The following SND1 variants were observed in gnomAD, a reference collection of about 807,000 sequenced individuals.
SND1 encodes the protein staphylococcal nuclease and tudor domain containing 1.
SND1 carries 38 observed loss-of-function variants against 121.7 expected under a neutral mutation model. That is an observed-to-expected ratio of 0.31 (90% CI 0.24 to 0.41). The LOEUF (loss-of-function observed/expected upper bound fraction) is 0.41, where lower values mean the gene tolerates loss of function less well. SND1 is among the 10% of genes least tolerant of loss of function. SND1 has a pLI of 1.00. For missense variants in SND1, 868 were observed against 1,184.6 expected (o/e 0.73, Z 3.92); for synonymous variants, 401 against 447.4 (o/e 0.90, Z 1.31).
At chr7:127,991,178 C>T in intron 16 of SND1, 122 bp downstream of exon 16, 1 of 673,052 alleles carries the variant, frequency 1.5e-6, no homozygotes, top group Non-Finnish European at 2.6e-6. Flanking sequence ...CATCCATAAT[C>T]CATTCTTGTG....
At chr7:127,869,891 G>T (rs1799548531) in intron 12 of SND1, among the ~76,000 whole-genome samples, 1 of 152,036 alleles carries the variant, frequency 6.6e-6, no homozygotes, top group African/African-American at 2.4e-5. Context: ...TTACATAAAT[G>T]GAATCATAAT....
rs772976701 is a variant in SND1 at position 128,029,170 on chromosome 7, T to A, written c.1779+38114T>A. On this transcript the variant is annotated intron_variant, in intron 16 of 23. Transcript: ENST00000354725. The surrounding 1 kb of genome is among the most constrained non-coding windows in gnomAD (Gnocchi z 4.2). ...CGGGTAGTCTGAATGAGCACCGTGG[T>A]AGAGGTGGTATATGCCGGCTGGTAA... 6.2e-7 allele frequency: 1 copy of A among 1,614,054 alleles called. No individual in the cohort carries two copies. The highest frequency in any genetic ancestry group is 1.1e-5 in the South Asian group (1 of 91,072).
intron 16 of SND1, among the ~76,000 whole-genome samples, chr7:128,032,583 TCAG>T (rs2116993452): frequency 6.6e-6 from 1 of 151,780 alleles, no homozygotes; most frequent in South Asian, 2.1e-4. Flanking sequence ...AGAGCGGGGC[TCAG>T]GGGCCCGGCG....
At chr7:127,789,463 T>G (rs1797871658) in intron 10 of SND1, among the ~76,000 whole-genome samples, 1 of 152,248 alleles carries the variant, frequency 6.6e-6, no homozygotes, top group Non-Finnish European at 1.5e-5. Flanking sequence ...TTTTTATAGC[T>G]AAAATTAGGG....
chr7:127,738,103 A>G (rs889127595), intron 10 of SND1, among the ~76,000 whole-genome samples: 1 of 152,132 alleles, frequency 6.6e-6, no homozygotes, highest in Non-Finnish European at 1.5e-5. Context: ...CAGATCCTCT[A>G]GAGTGTTCAC....
chr7:127,902,427 C>T (rs924732256), intron 13 of SND1, among the ~76,000 whole-genome samples: 1 of 152,214 alleles, frequency 6.6e-6, no homozygotes, highest in African/African-American at 2.4e-5. Context: ...AGTCTTACGG[C>T]TGCTCCTTCC....
chr7:127,807,733 G>C (rs180851724), intron 11 of SND1, among the ~76,000 whole-genome samples, 160 bp downstream of exon 11: 1 of 152,296 alleles, frequency 6.6e-6, no homozygotes, highest in Non-Finnish European at 1.5e-5. Flanking sequence ...TTATGTGTCA[G>C]AAACGGTACC....
intron 16 of SND1, among the ~76,000 whole-genome samples, chr7:128,005,438 C>T (rs756948866): frequency 6.6e-6 from 1 of 152,226 alleles, no homozygotes. Flanking sequence ...TTCTTTCACC[C>T]GCCCCCTTGT....
chr7:128,077,671 A>T (rs931413543), intron 17 of SND1, among the ~76,000 whole-genome samples: 6 of 152,144 alleles, frequency 3.9e-5, no homozygotes, highest in African/African-American at 7.2e-5. Context: ...GTCAGCTGGG[A>T]CAGCCTCTCC....
At chr7:128,070,699 G>A (rs1793395983) in intron 16 of SND1, among the ~76,000 whole-genome samples, 1 of 152,132 alleles carries the variant, frequency 6.6e-6, no homozygotes, top group South Asian at 2.1e-4. Flanking sequence ...TTCTGTTTGA[G>A]GCAACTTGTG....
At chr7:127,759,132 A>G (rs1393889652) in intron 10 of SND1, among the ~76,000 whole-genome samples, 1 of 152,164 alleles carries the variant, frequency 6.6e-6, no homozygotes, top group African/African-American at 2.4e-5. Flanking sequence ...TAGCAGATAC[A>G]TACTGCTTAG....
At chr7:127,816,694 C>G (rs962473221) in intron 11 of SND1, among the ~76,000 whole-genome samples, 2 of 141,816 alleles carry the variant, frequency 1.4e-5, no homozygotes, top group Non-Finnish European at 3.0e-5. Context: ...AACAGTGTCT[C>G]GCTCTGTCAC....
At chr7:127,860,825 A>G (rs1799363946) in intron 12 of SND1, among the ~76,000 whole-genome samples, 3 of 152,214 alleles carry the variant, frequency 2.0e-5, no homozygotes. Flanking sequence ...TGGGGTGATG[A>G]AATAAATTCA....
At chr7:127,859,973 T>G (rs1799347270) in intron 12 of SND1, among the ~76,000 whole-genome samples, 1 of 152,212 alleles carries the variant, frequency 6.6e-6, no homozygotes, top group African/African-American at 2.4e-5. Context: ...CAGATCACTT[T>G]TACAGCTCTG....
In SND1 at chr7:127,857,915, G is replaced by A. The variant is rs546885163; in HGVS notation, c.1343+13491G>A. 93 of 1,384,352 alleles carry A rather than the reference G, an allele frequency of 6.7e-5. No homozygotes were observed. The African/African-American group carries it at 1.1e-3, about 16-fold the overall frequency. 85.8% of individuals were successfully genotyped at this position (1,384,352 alleles called of 1,614,324 possible). On this transcript the variant is annotated intron_variant, in intron 12 of 23. Transcript: ENST00000354725. ...TGACCACGAAGGGGGTCCAGCTTCCGGCAGTAAACACCATCAGGAAAGTAG... is the reference window on the plus strand; with the variant it reads ...TGACCACGAAGGGGGTCCAGCTTCCAGCAGTAAACACCATCAGGAAAGTAG...
At chr7:128,046,998 A>G (rs958834895) in intron 16 of SND1, among the ~76,000 whole-genome samples, 1 of 152,216 alleles carries the variant, frequency 6.6e-6, no homozygotes, top group Admixed American at 6.5e-5. Context: ...AAAGAAATAC[A>G]TGTACTTATA....
intron 12 of SND1, among the ~76,000 whole-genome samples, chr7:127,863,993 A>G (rs1799424606): frequency 6.6e-6 from 1 of 152,220 alleles, no homozygotes; most frequent in Non-Finnish European, 1.5e-5. Flanking sequence ...AAGTACCTCA[A>G]GAAGTGTCTC....
At chr7:127,946,783 T>G (rs1424233790) in intron 15 of SND1, among the ~76,000 whole-genome samples, 1 of 152,222 alleles carries the variant, frequency 6.6e-6, no homozygotes, top group African/African-American at 2.4e-5. Context: ...TTTTAATAAT[T>G]CTTATGCCTC....
chr7:127,954,360 CTTA>C (rs1402935804), intron 15 of SND1, among the ~76,000 whole-genome samples: 4 of 152,146 alleles, frequency 2.6e-5, no homozygotes, highest in African/African-American at 9.7e-5. Flanking sequence ...TGCAGGAGCC[CTTA>C]TTATTACCTG....
Sources: gnomAD v4.1 joint callset for allele counts (sites outside exome capture counted in the v4.1 genomes callset) on GRCh38, gnomAD v4.1.1 for gene constraint, Gnocchi (gnomAD v3.1) non-coding constraint, MANE v1.5 for transcripts, NCBI Gene and HGNC (gene_info 2026-07-23, HGNC 2026-07-21) for gene names.